The following MUC6 variants were observed in gnomAD, a reference collection of about 807,000 sequenced individuals.
MUC6 encodes the protein mucin 6, oligomeric mucus/gel-forming (gene/pseudogene).
MUC6 carries 188 observed loss-of-function variants against 201.5 expected under a neutral mutation model. The ratio of observed to expected loss-of-function variants is 0.93; its 90% CI spans 0.83 to 1.05. MUC6 has a LOEUF of 1.05. Among genes scored for constraint, MUC6 ranks in the 50% least tolerant of loss-of-function variants. The probability of loss-of-function intolerance (pLI) is 0.00; values close to 1 mark genes in which losing one functional copy is unlikely to be tolerated. For synonymous variants in MUC6, 1,228 were observed against 1,389.4 expected (o/e 0.88, Z 2.58); for missense variants, 2,706 against 3,256.9 (o/e 0.83, Z 4.12).
At chr11:1,013,869 G>T in intron 32 of MUC6, 30 bp downstream of exon 32, 1 of 1,578,886 alleles carries the variant, frequency 6.3e-7, no homozygotes, top group Non-Finnish European at 8.6e-7. Flanking sequence ...CTTGGTGGAC[G>T]TGGGGCAGGC....
chr11:1,019,200 G>C (rs1013377759), intron 30 of MUC6, 75 bp downstream of exon 30: 5 of 1,472,702 alleles, frequency 3.4e-6, no homozygotes, highest in Non-Finnish European at 4.7e-6. Flanking sequence ...CTTTATGGCT[G>C]AATCACTGAA....
rs747943190 is a variant in MUC6 at position 1,015,932 on chromosome 11, G to A, written c.6869C>T (p.Ser2290Leu). The A allele has an allele frequency of 1.6e-5, 26 of 1,598,358 alleles. No homozygotes were observed. Among genetic ancestry groups the A allele is most frequent in the East Asian group, 1.6e-4 (7 of 44,688 alleles). Residue 2290 changes from serine (S) to leucine (L), a missense_variant, in exon 31 of 33, where the codon TCG becomes TTG. Ser to Leu is a moderately radical substitution (Grantham distance 145). Coordinates refer to ENST00000421673, the MANE Select transcript of MUC6 (RefSeq NM_005961.3). ...AGAGGTGGGGATACCCGTCACCCCC[G>A]AGGTGAGTGACACAAAGCCTGATGT... ...VPTSGFVSLT[S>L]GVTGIPTSPV...
rs200479568 is a variant in MUC6, at chr11:1,031,895, C to T, written c.274G>A (p.Gly92Arg). Residue 92 changes from glycine to arginine, a missense_variant, in exon 3 of 33, where the codon GGG (glycine) becomes AGG (arginine). Transcript: ENST00000421673. The stretch of plus-strand genomic sequence containing the variant: ...TCCACGATGATCCGCGAGATGCTCC[C>T]GTCTGGGCCTCGCCGCAGCTGGACA... ...FSVQLRRGPD[G>R]SISRIIVELG... 2.0e-5 allele frequency: 33 copies of T among 1,613,046 alleles called. No homozygotes were observed. The highest frequency in any genetic ancestry group is 1.7e-4 in the Admixed American group (10 of 59,998).
rs780182809 is a variant in MUC6 at position 1,016,588 on chromosome 11, G to A, written c.6213C>T (p.Thr2071=). ...TGCTGAATGAGCTGTGGGTTTGGCT[G>A]GTCCCACTGGTGGTCACTGTCATTG... is the stretch of plus-strand genomic sequence containing the variant. The part of the protein sequence containing the change: ...APPMTVTTSG[T]SQTHSSFSTA... Residue 2071 remains threonine, a synonymous_variant, in exon 31 of 33, where the codon ACC becomes ACT. Coordinates refer to ENST00000421673, the MANE Select transcript of MUC6 (RefSeq NM_005961.3). The A allele has an allele frequency of 1.6e-6, 2 of 1,233,730 alleles. No homozygotes were observed. Among genetic ancestry groups the A allele is most frequent in the Non-Finnish European group, 2.1e-6 (2 of 966,274 alleles). 76.4% of individuals were successfully genotyped at this position (1,233,730 alleles called of 1,614,324 possible).
rs769586518 is a variant in MUC6, at chr11:1,028,328, C to A, written c.1651G>T (p.Ala551Ser). 4 of 1,612,500 alleles carry A rather than the reference C, an allele frequency of 2.5e-6. No individual in the cohort carries two copies. In the East Asian group the frequency reaches 8.9e-5, roughly 36 times the overall value. The change falls in exon 14 of 33, where the codon GCC (alanine) becomes TCC (serine). Residue 551 changes from alanine to serine, a missense_variant. Transcript: ENST00000421673. ...TDDFTTSMGI[A>S]EGTASLFVDS... ...ACAAACAGCGAGGCGGTGCCCTCGG[C>A]GATACCCATGCTAGTGGTGAAGTCA...
Position 1,033,217 on chromosome 11 carries a change from G to A in MUC6, c.53-142C>T. The A allele has an allele frequency of 2.6e-6, 2 of 755,760 alleles. No individual in the cohort carries two copies. The highest frequency in any genetic ancestry group is 4.5e-6 in the Non-Finnish European group (2 of 444,644). 46.8% of individuals were successfully genotyped at this position (755,760 alleles called of 1,614,324 possible). On this transcript the variant is annotated intron_variant, in intron 1 of 32. Coordinates refer to ENST00000421673, the MANE Select transcript of MUC6 (RefSeq NM_005961.3). This position sits in a 1 kb window ranked among gnomAD's most constrained non-coding sequence, Gnocchi z 5.6. ...GTGTCCATGGCCCGTGGGGCTCGAG[G>A]CCTCAACAGCAAGCCAAGCGCTTGG...
Position 1,027,591 on chromosome 11 carries a change from C to T in MUC6, c.1982-74G>A, listed in dbSNP as rs372237007. The T allele has an allele frequency of 1.5e-4, 240 of 1,595,296 alleles. 1 individual carries two copies. The African/African-American group carries it at 1.8e-3, about 12-fold the overall frequency. The stretch of plus-strand genomic sequence containing the variant: ...GGCAATCTCGGGTTCCCCTGCCTGC[C>T]GGGCACTGCAGAGCCTCAGAGCTTG... On this transcript the variant is annotated intron_variant, in intron 16 of 32. Transcript: ENST00000421673.
At chr11:1,023,143 G>A (rs1050221584) in intron 26 of MUC6, among the ~76,000 whole-genome samples, 6 of 151,458 alleles carry the variant, frequency 4.0e-5, no homozygotes, top group East Asian at 1.9e-4. Context: ...GTGAATGTGC[G>A]TGAGTGAATG....
chr11:1,031,571 G>A (rs748548721), intron 4 of MUC6, 36 bp downstream of exon 4: 32 of 1,539,310 alleles, frequency 2.1e-5, no homozygotes, highest in East Asian at 2.5e-5. Context: ...CCCGTGCTGC[G>A]GGTCTCCAGG....
Position 1,021,273 on chromosome 11 carries a change from G to A in MUC6, c.3531C>T (p.Cys1177=). 6.3e-7 allele frequency: 1 copy of A among 1,579,230 alleles called. No homozygotes were observed. Among genetic ancestry groups the A allele is most frequent in the Non-Finnish European group, 8.6e-7 (1 of 1,163,662 alleles). The change falls in exon 27 of 33, where the codon TGC becomes TGT. Residue 1177 remains cysteine (C), a synonymous_variant. Transcript: ENST00000421673. ...AGTACTCATCCTGGGAGCAGTTGTAGCAGCCTAGGGTGGAGAACGGCCAGG... is the reference window on the plus strand; with the variant it reads ...AGTACTCATCCTGGGAGCAGTTGTAACAGCCTAGGGTGGAGAACGGCCAGG... The part of the protein sequence containing the change: ...QSVPGSNIEG[C]YNCSQDEYFD...
At position 1,029,377 on chromosome 11, in the gene MUC6, G is replaced by A; in HGVS notation, c.1137-11C>T. Reference sequence around the variant, plus strand: ...CCCAGGGTGCACCGGCTGTGGGTGGGCGTGGGGGTAGCGGCATGGTGGGCA... The same window carrying A: ...CCCAGGGTGCACCGGCTGTGGGTGGACGTGGGGGTAGCGGCATGGTGGGCA... On this transcript the variant is annotated splice_polypyrimidine_tract_variant and intron_variant, in intron 9 of 32. Coordinates refer to ENST00000421673, the MANE Select transcript of MUC6 (RefSeq NM_005961.3). The A allele has an allele frequency of 6.3e-7, 1 of 1,594,612 alleles. No homozygotes were observed. The highest frequency in any genetic ancestry group is 8.5e-7 in the Non-Finnish European group (1 of 1,170,860).
rs377047903 is a variant in MUC6, at chr11:1,029,223, C to A, written c.1275+5G>T. Reference sequence around the variant, plus strand: ...CCTCCCCACGGGCCACAGGGCTCGTCCTACCTGGAGGAGGATGTAGGTGCA... The same window carrying A: ...CCTCCCCACGGGCCACAGGGCTCGTACTACCTGGAGGAGGATGTAGGTGCA... On this transcript the variant is annotated splice_donor_5th_base_variant and intron_variant, in intron 10 of 32. Coordinates refer to ENST00000421673, the MANE Select transcript of MUC6 (RefSeq NM_005961.3). The A allele has an allele frequency of 1.5e-5, 24 of 1,606,874 alleles. No homozygotes were observed. In the African/African-American group the frequency reaches 2.8e-4, roughly 19 times the overall value.
chr11:1,028,694 AGATG>A lies in MUC6; in HGVS notation c.1539_1542del (p.Ile514SerfsTer66), dbSNP rs1857025925. ...GGCCCAACAGTGACATAGGCCTGGA[AGATG>A]GGGCGCAGCTGGACCACGAGCTCCA... is the stretch of plus-strand genomic sequence containing the variant. On this transcript the variant is annotated frameshift_variant, in exon 13 of 33. Coordinates refer to ENST00000421673, the MANE Select transcript of MUC6 (RefSeq NM_005961.3). LOFTEE classifies it high-confidence loss of function. The A allele has an allele frequency of 6.2e-7, 1 of 1,611,348 alleles. No homozygotes were observed. Among genetic ancestry groups the A allele is most frequent in the Non-Finnish European group, 8.5e-7 (1 of 1,179,312 alleles).
intron 12 of MUC6, 21 bp from the exon 13 acceptor site, chr11:1,028,804 TG>T: frequency 1.2e-6 from 2 of 1,609,126 alleles, no homozygotes; most frequent in Non-Finnish European, 1.7e-6. Flanking sequence ...CAGTGCTCAG[TG>T]GGCCGTCTGG....
rs1327374079 is a variant in MUC6 at position 1,026,097 on chromosome 11, C to CAGTG, written c.2587_2590dup (p.Cys864SerfsTer231). 6.2e-7 allele frequency: 1 copy of CAGTG among 1,600,074 alleles called. No homozygotes were observed. Among genetic ancestry groups the CAGTG allele is most frequent in the African/African-American group, 1.3e-5 (1 of 74,874 alleles). On this transcript the variant is annotated frameshift_variant, in exon 21 of 33. Coordinates refer to ENST00000421673, the MANE Select transcript of MUC6 (RefSeq NM_005961.3). LOFTEE classifies it high-confidence loss of function. ...CCCGTAGAGGGTGCAGGTGGATGGG[C>CAGTG]AGTGGGTGCCCTGCTGACAGGCCCA... is the stretch of plus-strand genomic sequence containing the variant.
intron 1 of MUC6, 87 bp downstream of exon 1, chr11:1,036,517 T>A: frequency 1.4e-6 from 2 of 1,438,008 alleles, no homozygotes; most frequent in Non-Finnish European, 1.9e-6. Context: ...GCCAGCCGAG[T>A]TGTCGAGGCG....
At chr11:1,014,989 G>A (rs1315233763) in intron 31 of MUC6, among the ~76,000 whole-genome samples, 2 of 152,384 alleles carry the variant, frequency 1.3e-5, no homozygotes, top group East Asian at 1.9e-4. Flanking sequence ...TGCCACCCAC[G>A]TGAGAGACCA....
At chr11:1,020,045 C>A in intron 29 of MUC6, 45 bp downstream of exon 29, 1 of 1,599,246 alleles carries the variant, frequency 6.3e-7, no homozygotes. Context: ...TACCTAGGAC[C>A]TCCTGCAGCT....
Position 1,026,332 on chromosome 11 carries a change from C to G in MUC6, c.2541G>C (p.Arg847Ser), listed in dbSNP as rs1168727470. The change falls in exon 20 of 33, where the codon AGG becomes AGC. Residue 847 changes from arginine (R) to serine (S), a missense_variant. By Grantham distance (110) the Arg-to-Ser change is moderately radical. This residue lies in a region of MUC6 where 1,850 missense variants were observed against 1,958.3 expected (regional missense o/e 0.94). Transcript: ENST00000421673. Reference sequence around the variant, plus strand: ...GAAGCGAGGCTTTGTCTCACCAGGTCCTGCAGTCAGTGTGGAGCTCAGCTC... The same window carrying G: ...GAAGCGAGGCTTTGTCTCACCAGGTGCTGCAGTCAGTGTGGAGCTCAGCTC... ...PGGAELHTDCRTCSCSRGRWA... is the reference protein window; with the variant it reads ...PGGAELHTDCSTCSCSRGRWA... 3 of 1,581,830 alleles carry G rather than the reference C, an allele frequency of 1.9e-6. No individual in the cohort carries two copies. Among genetic ancestry groups the G allele is most frequent in the Non-Finnish European group, 2.6e-6 (3 of 1,164,088 alleles).
Sources: allele counts gnomAD v4.1 joint callset (sites outside exome capture counted in the v4.1 genomes callset), GRCh38; gene constraint gnomAD v4.1.1; regional missense constraint gnomAD v4.1.1; non-coding constraint Gnocchi (gnomAD v3.1); transcripts MANE v1.5; gene names NCBI Gene and HGNC (gene_info 2026-07-23, HGNC 2026-07-21).